CERS6: variants seen among roughly 807,000 people sequenced by gnomAD.
CERS6 encodes LAG1 homolog, ceramide synthase 6.
Under a neutral mutation model 56.8 loss-of-function variants are expected in CERS6, and 26 were observed. The ratio of observed to expected loss-of-function variants is 0.46; its 90% CI spans 0.34 to 0.63. The LOEUF (loss-of-function observed/expected upper bound fraction) is 0.63, where lower values mean the gene tolerates loss of function less well. Ranked by LOEUF, CERS6 falls within the 30% of genes least tolerant of loss-of-function variation. The pLI, the probability that CERS6 is intolerant of heterozygous loss-of-function variation, is 0.01. For missense variants in CERS6, 415 were observed against 467.5 expected (o/e 0.89, Z 1.04); for synonymous variants, 164 against 173.3 (o/e 0.95, Z 0.42).
At chr2:168,748,108 A>G (rs1258920983) in intron 8 of CERS6, among the ~76,000 whole-genome samples, 1 of 152,216 alleles carries the variant, frequency 6.6e-6, no homozygotes, top group Non-Finnish European at 1.5e-5. Context: ...TGCTACCCAG[A>G]TGCCACCTAA....
chr2:168,551,624 G>A (rs188606185), intron 2 of CERS6, among the ~76,000 whole-genome samples: 138 of 152,246 alleles, frequency 9.1e-4, no homozygotes, highest in Non-Finnish European at 1.4e-3. Flanking sequence ...AAATCATTCA[G>A]TAAATGATAT....
chr2:168,542,958 A>G (rs931254400), intron 1 of CERS6, among the ~76,000 whole-genome samples: 1 of 152,192 alleles, frequency 6.6e-6, no homozygotes, highest in Non-Finnish European at 1.5e-5. Flanking sequence ...TAGCCTCCCA[A>G]CACGCTGGGA....
chr2:168,746,820 TAA>T (rs574474747), intron 8 of CERS6, among the ~76,000 whole-genome samples: 8,690 of 78,732 alleles, frequency 0.11, 1,250 homozygotes, highest in East Asian at 0.21. Flanking sequence ...TATATATATA[TAA>T]AATCATCTTT....
At chr2:168,557,515 A>G (rs1373594917) in intron 2 of CERS6, among the ~76,000 whole-genome samples, 1 of 152,200 alleles carries the variant, frequency 6.6e-6, no homozygotes, top group Non-Finnish European at 1.5e-5. Context: ...GCATTAATAA[A>G]TAGACCAATG....
chr2:168,717,806 A>C, intron 7 of CERS6, 66 bp from the exon 8 acceptor site: 1 of 1,139,580 alleles, frequency 8.8e-7, no homozygotes, highest in East Asian at 2.4e-5. Context: ...AGATTCATGC[A>C]TATTGAAAGA....
At chr2:168,702,126 CATGGTTGAATCCATGA>C (rs1365818477) in intron 6 of CERS6, among the ~76,000 whole-genome samples, 3 of 152,048 alleles carry the variant, frequency 2.0e-5, no homozygotes, top group African/African-American at 7.2e-5. Context: ...GTTTTCAATT[CATGGTTGAATCCATGA>C]ATGCAGAACC....
intron 6 of CERS6, among the ~76,000 whole-genome samples, chr2:168,700,605 G>C (rs1205358877): frequency 1.3e-5 from 2 of 152,062 alleles, no homozygotes; most frequent in Non-Finnish European, 2.9e-5. Flanking sequence ...TCCTAGACTG[G>C]GGAAAACATT....
At chr2:168,480,960 T>G (rs981528318) in intron 1 of CERS6, among the ~76,000 whole-genome samples, 2 of 152,162 alleles carry the variant, frequency 1.3e-5, no homozygotes, top group Non-Finnish European at 1.5e-5. Context: ...AGGGGCACGC[T>G]TCTATCATGG....
At chr2:168,470,677 C>T (rs534019707) in intron 1 of CERS6, among the ~76,000 whole-genome samples, 3 of 152,100 alleles carry the variant, frequency 2.0e-5, no homozygotes, top group African/African-American at 7.2e-5. Flanking sequence ...TAAATGGCTG[C>T]TTGCAGAATT....
chr2:168,663,801 T>C (rs1217759154), intron 4 of CERS6, among the ~76,000 whole-genome samples: 1 of 152,210 alleles, frequency 6.6e-6, no homozygotes, highest in Non-Finnish European at 1.5e-5. Context: ...TTCTTCAGTC[T>C]TAAAATCTGT....
At chr2:168,690,933 T>C (rs1366251318) in intron 4 of CERS6, 101 bp from the exon 5 acceptor site, 2 of 1,076,834 alleles carry the variant, frequency 1.9e-6, no homozygotes, top group African/African-American at 1.6e-5. Flanking sequence ...AGGTAAATTA[T>C]TGAAATCCAA....
chr2:168,671,583 T>G (rs1306472099), intron 4 of CERS6, among the ~76,000 whole-genome samples: 1 of 152,372 alleles, frequency 6.6e-6, no homozygotes, highest in East Asian at 1.9e-4. Context: ...ATAAAACAGT[T>G]TGATATTACA....
At chr2:168,635,372 G>A (rs540724977) in intron 4 of CERS6, among the ~76,000 whole-genome samples, 10 of 152,326 alleles carry the variant, frequency 6.6e-5, no homozygotes, top group Middle Eastern at 3.4e-3. Context: ...TACTGCTGGA[G>A]TGAAGATGCA....
rs571104037 is a variant in CERS6 at position 168,714,588 on chromosome 2, A to G, written c.610-413A>G. On this transcript the variant is annotated intron_variant, in intron 6 of 9. Coordinates refer to ENST00000305747, the MANE Select transcript of CERS6 (RefSeq NM_203463.3). ...GTAGTGATTTCTCCCTTAGCTTCAA[A>G]TTATTTGGCTTGGTACAAAGCACTC... Among the ~76,000 whole-genome samples, 8 of 152,318 alleles carry G rather than the reference A, an allele frequency of 5.3e-5. No individual in the cohort carries two copies. In the South Asian group the frequency reaches 1.7e-3, roughly 32 times the overall value.
intron 1 of CERS6, among the ~76,000 whole-genome samples, chr2:168,521,289 G>A (rs1291718831): frequency 6.6e-6 from 1 of 152,200 alleles, no homozygotes; most frequent in Non-Finnish European, 1.5e-5. Flanking sequence ...CTCAGTGTGG[G>A]ACAGTGGGGA....
At chr2:168,598,711 T>A (rs1683862516) in intron 3 of CERS6, among the ~76,000 whole-genome samples, 1 of 152,354 alleles carries the variant, frequency 6.6e-6, no homozygotes, top group South Asian at 2.1e-4. Context: ...GTCTTCAATC[T>A]TCACTTCTGC....
At chr2:168,624,092 T>TG (rs1684535771) in intron 3 of CERS6, among the ~76,000 whole-genome samples, 2 of 152,194 alleles carry the variant, frequency 1.3e-5, no homozygotes, top group Admixed American at 1.3e-4. Flanking sequence ...AAAACACCTG[T>TG]AAGACCGAAT....
At chr2:168,568,335 ATAT>A (rs1003790054) in intron 3 of CERS6, among the ~76,000 whole-genome samples, 1 of 152,242 alleles carries the variant, frequency 6.6e-6, no homozygotes, top group African/African-American at 2.4e-5. Flanking sequence ...TTAAGGCATC[ATAT>A]TATTATTTAA....
Position 168,682,819 on chromosome 2 carries a change from T to A in CERS6, c.466-8215T>A, listed in dbSNP as rs577970372. On this transcript the variant is annotated intron_variant, in intron 4 of 9. Transcript: ENST00000305747. ...CAGTAACCAGCTCATTCCTGAAAATTGTGTTGGTTTTTCTCCTTTGTCTAT... is the reference window on the plus strand; with the variant it reads ...CAGTAACCAGCTCATTCCTGAAAATAGTGTTGGTTTTTCTCCTTTGTCTAT... Among the ~76,000 whole-genome samples the A allele has an allele frequency of 2.6e-5, 4 of 152,278 alleles. No homozygotes were observed. The East Asian group carries it at 7.7e-4, about 29-fold the overall frequency.
Sources: gnomAD v4.1 joint callset for allele counts (sites outside exome capture counted in the v4.1 genomes callset) on GRCh38, gnomAD v4.1.1 for gene constraint, MANE v1.5 for transcripts, NCBI Gene and HGNC (gene_info 2026-07-23, HGNC 2026-07-21) for gene names.